CENPF: variants seen among roughly 807,000 people sequenced by gnomAD.
CENPF encodes centromere protein F.
CENPF carries 214 observed loss-of-function variants against 307.3 expected under a neutral mutation model. The observed-to-expected ratio is 0.70, with a 90% CI of 0.62 to 0.78. CENPF has a LOEUF of 0.78. Among genes scored for constraint, CENPF ranks in the 30% least tolerant of loss-of-function variants. The pLI, the probability that CENPF is intolerant of heterozygous loss-of-function variation, is 0.00. For missense variants in CENPF, 3,401 were observed against 3,483.9 expected (o/e 0.98, Z 0.60); for synonymous variants, 1,259 against 1,270.6 (o/e 0.99, Z 0.19).
At chr1:214,624,407 ATTTCT>A (rs748319192) in intron 7 of CENPF, among the ~76,000 whole-genome samples, 17 of 151,686 alleles carry the variant, frequency 1.1e-4, no homozygotes, top group African/African-American at 3.1e-4. Context: ...GAATCTGGAG[ATTTCT>A]TTTCTGGGAG....
At chr1:214,647,770 A>G (rs922202197) in intron 13 of CENPF, among the ~76,000 whole-genome samples, 4 of 152,216 alleles carry the variant, frequency 2.6e-5, no homozygotes, top group Non-Finnish European at 5.9e-5. Context: ...TATAGAGAGT[A>G]TAACAGACAT....
intron 2 of CENPF, 57 bp downstream of exon 2, chr1:214,613,973 T>C: frequency 6.8e-7 from 1 of 1,469,354 alleles, no homozygotes; most frequent in Non-Finnish European, 9.2e-7. Flanking sequence ...AGAGAAGTGC[T>C]GGTATTTAAA....
Position 214,659,093 on chromosome 1 carries a change from G to A in CENPF, c.9141+65G>A. ...GAAAATTGCAGTAGTACCTGGGTGAGGATTGGACACTGCACCCCCGATTCA... is the reference window on the plus strand; with the variant it reads ...GAAAATTGCAGTAGTACCTGGGTGAAGATTGGACACTGCACCCCCGATTCA... On this transcript the variant is annotated intron_variant, in intron 19 of 19. Coordinates refer to ENST00000366955, the MANE Select transcript of CENPF (RefSeq NM_016343.4). This position sits in a 1 kb window ranked among gnomAD's most constrained non-coding sequence, Gnocchi z 4.4. 1 of 1,552,414 alleles carries A rather than the reference G, an allele frequency of 6.4e-7. No individual in the cohort carries two copies. The highest frequency in any genetic ancestry group is 8.8e-7 in the Non-Finnish European group (1 of 1,132,776).
chr1:214,640,740 T>C lies in CENPF; in HGVS notation c.2402T>C (p.Ile801Thr). ...ATGCATCATTCCTTTGCAAATATAA[T>C]TGGAGAACAAGGAAGCATGCCTTCA... ...PAMHHSFANI[I>T]GEQGSMPSER... Residue 801 changes from isoleucine (I) to threonine (T), a missense_variant, in exon 12 of 20, where the codon ATT becomes ACT. Ile to Thr is a moderately conservative substitution (Grantham distance 89). Coordinates refer to ENST00000366955, the MANE Select transcript of CENPF (RefSeq NM_016343.4). 1 of 1,614,082 alleles carries C rather than the reference T, an allele frequency of 6.2e-7. No individual in the cohort carries two copies. The highest frequency in any genetic ancestry group is 8.5e-7 in the Non-Finnish European group (1 of 1,179,994).
In CENPF at chr1:214,627,502, T is replaced by G. The variant is rs1486142441; in HGVS notation, c.1069-1544T>G. ...GATTCTCCTGTCTCAGCCTCCTGGG[T>G]AGCTGGGATTACAGGCGCATGCCAC... On this transcript the variant is annotated intron_variant, in intron 7 of 19. Coordinates refer to ENST00000366955, the MANE Select transcript of CENPF (RefSeq NM_016343.4). Among the ~76,000 whole-genome samples the G allele has an allele frequency of 3.3e-5, 5 of 150,858 alleles. No homozygotes were observed. The East Asian group carries it at 9.8e-4, about 30-fold the overall frequency.
At chr1:214,661,436 A>G (rs957686027) in intron 19 of CENPF, among the ~76,000 whole-genome samples, 2 of 152,234 alleles carry the variant, frequency 1.3e-5, no homozygotes, top group African/African-American at 4.8e-5. Context: ...TTCCCAAAGC[A>G]GTTGCTTAGA....
intron 10 of CENPF, among the ~76,000 whole-genome samples, chr1:214,635,065 C>T (rs1482804853): frequency 1.3e-5 from 2 of 152,230 alleles, no homozygotes; most frequent in Admixed American, 6.5e-5. Context: ...TGGGGTTAGG[C>T]AATAAAATAC....
chr1:214,618,534 C>G, intron 3 of CENPF, 39 bp from the exon 4 acceptor site: 1 of 1,609,576 alleles, frequency 6.2e-7, no homozygotes, highest in Admixed American at 1.7e-5. Context: ...AGCCTTTGCT[C>G]TAACTGATTT....
At chr1:214,613,972 C>T (rs1657268332) in intron 2 of CENPF, 56 bp downstream of exon 2, 2 of 1,465,672 alleles carry the variant, frequency 1.4e-6, no homozygotes, top group Non-Finnish European at 1.8e-6. Flanking sequence ...CAGAGAAGTG[C>T]TGGTATTTAA....
intron 14 of CENPF, among the ~76,000 whole-genome samples, chr1:214,651,300 G>T (rs1388615461): frequency 6.6e-6 from 1 of 152,220 alleles, no homozygotes; most frequent in Non-Finnish European, 1.5e-5. Context: ...TGGAGTCTAA[G>T]CTGGTCAAGG....
In CENPF at chr1:214,640,956, T is replaced by G. The variant is rs373161735; in HGVS notation, c.2618T>G (p.Met873Arg). ...IEENLMKAEQMHQSFVAETSQ... is the reference protein window; with the variant it reads ...IEENLMKAEQRHQSFVAETSQ... ...GAAAATCTCATGAAAGCAGAACAGA[T>G]GCATCAAAGTTTTGTGGCTGAAACA... is the stretch of plus-strand genomic sequence containing the variant. The change falls in exon 12 of 20, where the codon ATG becomes AGG. Residue 873 changes from methionine (M) to arginine (R), a missense_variant. Met to Arg is a moderately conservative substitution (Grantham distance 91, BLOSUM62 -1). Transcript: ENST00000366955. 1.5e-5 allele frequency: 24 copies of G among 1,604,954 alleles called. No homozygotes were observed. The African/African-American group carries it at 3.0e-4, about 20-fold the overall frequency.
intron 14 of CENPF, among the ~76,000 whole-genome samples, 175 bp downstream of exon 14, chr1:214,649,002 A>G (rs564968979): frequency 2.0e-5 from 3 of 152,352 alleles, no homozygotes; most frequent in East Asian, 3.9e-4. Flanking sequence ...ATCCAGCACT[A>G]TCAGGAGCCC....
intron 15 of CENPF, among the ~76,000 whole-genome samples, chr1:214,652,135 G>A (rs1191093112): frequency 7.1e-6 from 1 of 141,360 alleles, no homozygotes; most frequent in Non-Finnish European, 1.5e-5. Flanking sequence ...TCCCAGGTTT[G>A]CACCATTCTC....
In CENPF at chr1:214,659,446, TAA is replaced by T. The variant is rs370322107; in HGVS notation, c.9141+430_9141+431del. On this transcript the variant is annotated intron_variant, in intron 19 of 19. Coordinates refer to ENST00000366955, the MANE Select transcript of CENPF (RefSeq NM_016343.4). This position sits in a 1 kb window ranked among gnomAD's most constrained non-coding sequence, Gnocchi z 4.4. Reference sequence around the variant, plus strand: ...TGTTTTTATTAATCCTTTACTTTCTTAAAAAAAAAAAAAGCACATATTTCAAT... The same window carrying T: ...TGTTTTTATTAATCCTTTACTTTCTTAAAAAAAAAAAGCACATATTTCAAT... 6.3e-5 allele frequency among the ~76,000 whole-genome samples: 9 copies of T among 142,566 alleles called. No individual in the cohort carries two copies. Among genetic ancestry groups the T allele is most frequent in the Non-Finnish European group, 7.7e-5 (5 of 64,806 alleles). 93.5% of individuals were successfully genotyped at this position (142,566 alleles called of 152,430 possible).
chr1:214,622,405 C>G (rs1258749885), intron 7 of CENPF, 124 bp downstream of exon 7: 1 of 824,396 alleles, frequency 1.2e-6, no homozygotes, highest in Admixed American at 3.1e-5. Context: ...ATATTAGGTA[C>G]TCTTGATGCA....
chr1:214,624,523 T>G, intron 7 of CENPF, among the ~76,000 whole-genome samples: 1 of 152,192 alleles, frequency 6.6e-6, no homozygotes, highest in East Asian at 1.9e-4. Flanking sequence ...TCATCTAAGT[T>G]GTCAACTTTA....
rs76599226 is a variant in CENPF, at chr1:214,653,028, T to G, written c.8322+39T>G. On this transcript the variant is annotated intron_variant, in intron 16 of 19. Coordinates refer to ENST00000366955, the MANE Select transcript of CENPF (RefSeq NM_016343.4). ...AATTTGCTTCATGATTTCGAATGGTTTATACAGGTGGTAGTGATTTTAATG... is the reference window on the plus strand; with the variant it reads ...AATTTGCTTCATGATTTCGAATGGTGTATACAGGTGGTAGTGATTTTAATG... 4.4e-4 allele frequency: 674 copies of G among 1,538,748 alleles called. 1 individual carries two copies. The African/African-American group carries it at 8.5e-3, about 19-fold the overall frequency.
chr1:214,614,686 TGA>T, intron 2 of CENPF, 144 bp from the exon 3 acceptor site: 1 of 505,404 alleles, frequency 2.0e-6, no homozygotes, highest in East Asian at 3.3e-5. Flanking sequence ...CTTCAAAGTG[TGA>T]TCATCTAAAA....
At chr1:214,651,929 T>G (rs184073516) in intron 15 of CENPF, 43 bp downstream of exon 15, 93 of 1,524,056 alleles carry the variant, frequency 6.1e-5, no homozygotes, top group Non-Finnish European at 7.7e-5. Flanking sequence ...GGAGAGTGTA[T>G]TTTGATCATG....
Sources: gnomAD v4.1 joint callset for allele counts (sites outside exome capture counted in the v4.1 genomes callset) on GRCh38, gnomAD v4.1.1 for gene constraint, Gnocchi (gnomAD v3.1) non-coding constraint, MANE v1.5 for transcripts, NCBI Gene and HGNC (gene_info 2026-07-23, HGNC 2026-07-21) for gene names.